The following AFG2A variants were observed in gnomAD, a reference collection of about 807,000 sequenced individuals.
AFG2A encodes AAA ATPase AFG2A.
the AFG2A span, among the ~76,000 whole-genome samples, chr4:122,946,059 T>C: frequency 6.6e-6 from 1 of 152,074 alleles, no homozygotes; most frequent in Admixed American, 6.6e-5. Context: ...GATGATAGAG[T>C]TGTGAGGACA....
At chr4:123,065,664 A>G in the AFG2A span, among the ~76,000 whole-genome samples, 1 of 152,186 alleles carries the variant, frequency 6.6e-6, no homozygotes, top group Non-Finnish European at 1.5e-5. Context: ...TCTACAGTTG[A>G]CACACAGTGT....
chr4:122,925,831 G>A, the AFG2A span, among the ~76,000 whole-genome samples: 20 of 152,276 alleles, frequency 1.3e-4, no homozygotes, highest in South Asian at 1.9e-3. Context: ...AAGGACTTGT[G>A]AACAAAAGTG....
At chr4:122,964,817 C>G in the AFG2A span, among the ~76,000 whole-genome samples, 1 of 152,104 alleles carries the variant, frequency 6.6e-6, no homozygotes, top group Non-Finnish European at 1.5e-5. Flanking sequence ...ACTACAATAA[C>G]CTTTAAGGAT....
the AFG2A span, among the ~76,000 whole-genome samples, chr4:122,939,333 C>T: frequency 4.0e-5 from 6 of 151,854 alleles, no homozygotes; most frequent in South Asian, 1.3e-3. Context: ...CCGCCCGCCT[C>T]GGCCTCCCAA....
chr4:123,129,492 T>C, the AFG2A span, among the ~76,000 whole-genome samples: 1 of 152,310 alleles, frequency 6.6e-6, no homozygotes, highest in African/African-American at 2.4e-5. Context: ...TGGCTTTAAC[T>C]CAGGGGTTTC....
the AFG2A span, among the ~76,000 whole-genome samples, chr4:122,984,199 A>AT: frequency 4.1e-3 from 624 of 150,486 alleles, 5 homozygotes; most frequent in African/African-American, 0.014. Context: ...ATTCCTAAGT[A>AT]TTTTTTTTTG....
chr4:123,188,465 T>G, the AFG2A span, among the ~76,000 whole-genome samples: 1 of 152,234 alleles, frequency 6.6e-6, no homozygotes, highest in African/African-American at 2.4e-5. Context: ...ACCAGAATCT[T>G]TGACTAGAAG....
chr4:123,000,278 T>C, the AFG2A span, among the ~76,000 whole-genome samples: 1 of 150,758 alleles, frequency 6.6e-6, no homozygotes, highest in East Asian at 2.0e-4. Context: ...CCTCTTTTCC[T>C]AACTGAATAC....
chr4:123,258,039 C>T, the AFG2A span, among the ~76,000 whole-genome samples: 1 of 152,182 alleles, frequency 6.6e-6, no homozygotes, highest in Non-Finnish European at 1.5e-5. Context: ...TTCTGAAAAT[C>T]GTCACAGGAA....
the AFG2A span, among the ~76,000 whole-genome samples, chr4:122,926,304 AAG>A: frequency 0.01 from 1,530 of 152,336 alleles, 34 homozygotes; most frequent in African/African-American, 0.035. Flanking sequence ...TTTAGGAAGA[AAG>A]AGGCAGGAAC....
the AFG2A span, among the ~76,000 whole-genome samples, chr4:122,956,141 T>G: frequency 6.6e-6 from 1 of 152,324 alleles, no homozygotes; most frequent in African/African-American, 2.4e-5. Context: ...GAAAGAGATT[T>G]GTAAACAACT....
At chr4:123,260,859 A>C in the AFG2A span, among the ~76,000 whole-genome samples, 3 of 152,202 alleles carry the variant, frequency 2.0e-5, no homozygotes, top group Non-Finnish European at 2.9e-5. Flanking sequence ...CCTACAGACC[A>C]GGGGTCCCCA....
At chr4:123,256,985 AT>A in the AFG2A span, 5 of 384,746 alleles carry the variant, frequency 1.3e-5, no homozygotes, top group Non-Finnish European at 1.8e-5. Context: ...GGAGATTAAT[AT>A]TTTTTTAAGT....
chr4:123,143,755 T>C, the AFG2A span, among the ~76,000 whole-genome samples: 2 of 150,914 alleles, frequency 1.3e-5, no homozygotes, highest in Non-Finnish European at 3.0e-5. Context: ...TAAAATTTCA[T>C]ACATGGGGGA....
the AFG2A span, among the ~76,000 whole-genome samples, chr4:123,021,813 A>G: frequency 6.6e-6 from 1 of 152,218 alleles, no homozygotes; most frequent in African/African-American, 2.4e-5. Flanking sequence ...TAACCAAAAC[A>G]GCATGGTACT....
At chr4:123,180,765 A>AT in the AFG2A span, among the ~76,000 whole-genome samples, 1 of 152,054 alleles carries the variant, frequency 6.6e-6, no homozygotes, top group Non-Finnish European at 1.5e-5. Context: ...CTTTAAAATT[A>AT]TTTTTTATTA....
the AFG2A span, among the ~76,000 whole-genome samples, chr4:123,257,695 T>G: frequency 7.2e-5 from 11 of 152,278 alleles, no homozygotes; most frequent in East Asian, 1.9e-3. Flanking sequence ...GTTTTTGATT[T>G]GAGACGAGGG....
the AFG2A span, among the ~76,000 whole-genome samples, chr4:123,298,112 T>TACACACACAC: frequency 5.3e-4 from 79 of 150,250 alleles, no homozygotes; most frequent in African/African-American, 1.8e-3. Flanking sequence ...TGCATACACA[T>TACACACACAC]ACACACACAC....
At chr4:123,010,015 C>G in the AFG2A span, among the ~76,000 whole-genome samples, 1 of 152,092 alleles carries the variant, frequency 6.6e-6, no homozygotes, top group African/African-American at 2.4e-5. Context: ...CTGGAGACAA[C>G]AGGGAAAGGA....
Sources: gnomAD v4.1 joint callset for allele counts (sites outside exome capture counted in the v4.1 genomes callset) on GRCh38, gnomAD v4.1.1 for gene constraint, MANE v1.5 for transcripts, NCBI Gene and HGNC (gene_info 2026-07-23, HGNC 2026-07-21) for gene names.